The following DRC8 variants were observed in gnomAD, a reference collection of about 807,000 sequenced individuals.
The protein encoded by DRC8 is dynein regulatory complex subunit 8.
chr1:245,116,331 C>A, the DRC8 span, among the ~76,000 whole-genome samples: 2 of 152,052 alleles, frequency 1.3e-5, no homozygotes, highest in Non-Finnish European at 2.9e-5. Context: ...GAGGCTGCAG[C>A]GAGCCTTGAC....
chr1:245,087,130 G>A, the DRC8 span: 699 of 1,453,852 alleles, frequency 4.8e-4, no homozygotes, highest in Non-Finnish European at 5.9e-4. Flanking sequence ...TCCAGGGAGC[G>A]TAACTAGTGG....
the DRC8 span, among the ~76,000 whole-genome samples, chr1:245,054,447 C>T: frequency 6.6e-5 from 10 of 152,190 alleles, no homozygotes; most frequent in Admixed American, 1.3e-4. Context: ...CATAGCTGAT[C>T]TCCTTTTTTA....
At chr1:245,108,468 G>A in the DRC8 span, among the ~76,000 whole-genome samples, 764 of 152,170 alleles carry the variant, frequency 5.0e-3, 11 homozygotes, top group African/African-American at 0.017. Flanking sequence ...TCTTACTGAG[G>A]CCTCTTTCTA....
At chr1:245,084,533 AC>A in the DRC8 span, among the ~76,000 whole-genome samples, 1 of 152,092 alleles carries the variant, frequency 6.6e-6, no homozygotes, top group African/African-American at 2.4e-5. Flanking sequence ...AAACCTGCAC[AC>A]TTATATATAT....
chr1:245,112,503 G>A, the DRC8 span, among the ~76,000 whole-genome samples: 1 of 150,880 alleles, frequency 6.6e-6, no homozygotes, highest in Non-Finnish European at 1.5e-5. Context: ...TACTATATAT[G>A]TGTGTTCATA....
the DRC8 span, among the ~76,000 whole-genome samples, chr1:245,105,399 A>G: frequency 6.6e-6 from 1 of 152,070 alleles, no homozygotes; most frequent in African/African-American, 2.4e-5. Flanking sequence ...GAATTCCTCT[A>G]TTAAAGATAA....
chr1:244,988,627 A>G, the DRC8 span, among the ~76,000 whole-genome samples: 2 of 152,210 alleles, frequency 1.3e-5, no homozygotes, highest in Non-Finnish European at 2.9e-5. Flanking sequence ...AAGTAATGCT[A>G]ATAACACTGA....
At chr1:245,011,059 A>G in the DRC8 span, among the ~76,000 whole-genome samples, 2 of 152,164 alleles carry the variant, frequency 1.3e-5, no homozygotes, top group East Asian at 3.8e-4. Flanking sequence ...AAATCTTTGC[A>G]TATACATAAT....
At chr1:245,005,174 G>GT in the DRC8 span, among the ~76,000 whole-genome samples, 1 of 151,804 alleles carries the variant, frequency 6.6e-6, no homozygotes, top group South Asian at 2.1e-4. Context: ...GTTTTCAAGT[G>GT]TTTTGTTGAG....
At chr1:245,118,558 G>A in the DRC8 span, among the ~76,000 whole-genome samples, 1 of 152,190 alleles carries the variant, frequency 6.6e-6, no homozygotes, top group African/African-American at 2.4e-5. Flanking sequence ...TTGGGAGGCT[G>A]AGGCAGGCAG....
chr1:244,977,940 G>A, the DRC8 span, among the ~76,000 whole-genome samples: 12 of 152,112 alleles, frequency 7.9e-5, no homozygotes, highest in African/African-American at 2.2e-4. Context: ...AAGGACACGT[G>A]GGGGAGCCCA....
the DRC8 span, among the ~76,000 whole-genome samples, chr1:244,987,641 AT>A: frequency 9.4e-5 from 14 of 148,240 alleles, no homozygotes; most frequent in Admixed American, 1.3e-4. Flanking sequence ...TGGATTCTTG[AT>A]TTTTTTTTTT....
At chr1:244,987,500 G>T in the DRC8 span, among the ~76,000 whole-genome samples, 1 of 151,700 alleles carries the variant, frequency 6.6e-6, no homozygotes, top group African/African-American at 2.4e-5. Flanking sequence ...CCACAGCTAC[G>T]GTATTTCATT....
At chr1:245,057,125 C>T in the DRC8 span, among the ~76,000 whole-genome samples, 1 of 152,094 alleles carries the variant, frequency 6.6e-6, no homozygotes, top group East Asian at 1.9e-4. Context: ...AAGGTTTGAA[C>T]CGTTGGCTGT....
the DRC8 span, among the ~76,000 whole-genome samples, chr1:245,080,202 T>G: frequency 6.6e-6 from 1 of 152,206 alleles, no homozygotes; most frequent in Non-Finnish European, 1.5e-5. Context: ...AATTGGGATC[T>G]TTGAGCCTTT....
At chr1:244,998,921 A>G in the DRC8 span, among the ~76,000 whole-genome samples, 2 of 152,276 alleles carry the variant, frequency 1.3e-5, no homozygotes, top group Non-Finnish European at 2.9e-5. Flanking sequence ...TCACATGCCT[A>G]TTCCTTTGCT....
chr1:245,038,375 C>T, the DRC8 span, among the ~76,000 whole-genome samples: 2 of 152,118 alleles, frequency 1.3e-5, no homozygotes, highest in Non-Finnish European at 2.9e-5. Context: ...GAGGCTGAGG[C>T]AGGAGAAAGG....
At chr1:244,970,161 C>A in the DRC8 span, 1 of 699,006 alleles carries the variant, frequency 1.4e-6, no homozygotes, top group Non-Finnish European at 2.6e-6. Flanking sequence ...GGCCTCGGGT[C>A]TGGAGGGACA....
At chr1:245,121,532 C>G in the DRC8 span, among the ~76,000 whole-genome samples, 3 of 152,196 alleles carry the variant, frequency 2.0e-5, no homozygotes, top group Non-Finnish European at 4.4e-5. Context: ...TACCTCTATC[C>G]CTAGCCATGA....
Sources: allele counts gnomAD v4.1 joint callset (sites outside exome capture counted in the v4.1 genomes callset), GRCh38; gene constraint gnomAD v4.1.1; transcripts MANE v1.5; gene names NCBI Gene and HGNC (gene_info 2026-07-23, HGNC 2026-07-21).